Variants in MPZL2 observed in about 807,000 individuals in gnomAD.
MPZL2 encodes myelin protein zero like 2, also known as myelin protein zero-like protein 2.
A neutral mutation model predicts 24.5 loss-of-function variants in MPZL2; 32 were observed. The observed-to-expected ratio is 1.31, with a 90% CI of 0.99 to 1.76. The LOEUF is 1.76. MPZL2 is among the 40% of genes most tolerant of loss of function. MPZL2 has a pLI of 0.00. For missense variants in MPZL2, 304 were observed against 274.9 expected (o/e 1.11, Z -0.75); for synonymous variants, 92 against 97.9 (o/e 0.94, Z 0.36).
chr11:118,255,234 C>T lies in MPZL2; in HGVS notation c.*13-1G>A, dbSNP rs11216835. The T allele has an allele frequency of 1.3e-5, 2 of 151,970 alleles. No individual in the cohort carries two copies. Among genetic ancestry groups the T allele is most frequent in the Non-Finnish European group, 1.5e-5 (1 of 67,970 alleles). The allele number at this position is 151,970 out of a possible 1,614,324, so 9.4% of individuals were successfully genotyped here. A position where few individuals can be genotyped will look rare whatever the true frequency, so the allele number is the denominator to read the frequency against. ...TGTTCTTGGAAATCATCTCAGCTTCCTAAAACACAAAACAAAAGTTTAAAT... is the reference window on the plus strand; with the variant it reads ...TGTTCTTGGAAATCATCTCAGCTTCTTAAAACACAAAACAAAAGTTTAAAT... On this transcript the variant is annotated splice_acceptor_variant, in intron 5 of 5. Coordinates refer to ENST00000278937, the MANE Select transcript of MPZL2 (RefSeq NM_005797.4). LOFTEE classifies it low-confidence loss of function (3UTR_SPLICE).
Position 118,262,488 on chromosome 11 carries a change from G to C in MPZL2, c.386C>G (p.Pro129Arg), listed in dbSNP as rs773599467. 82 of 1,614,006 alleles carry C rather than the reference G, an allele frequency of 5.1e-5. No homozygotes were observed. The Admixed American group carries it at 1.3e-3, about 27-fold the overall frequency. The change falls in exon 3 of 6, where the codon CCT becomes CGT. Residue 129 changes from proline to arginine, a missense_variant. Coordinates refer to ENST00000278937, the MANE Select transcript of MPZL2 (RefSeq NM_005797.4). ...GTYTCQVKNPPDVDGVIGEIR... is the reference protein window; with the variant it reads ...GTYTCQVKNPRDVDGVIGEIR... Reference sequence around the variant, plus strand: ...CTCCCCTATCACCCCATCAACATCAGGTGGGTTCTTCACCTGGCAGGTGTA... The same window carrying C: ...CTCCCCTATCACCCCATCAACATCACGTGGGTTCTTCACCTGGCAGGTGTA...
intron 3 of MPZL2, among the ~76,000 whole-genome samples, 160 bp downstream of exon 3, chr11:118,262,278 C>T (rs988917574): frequency 3.3e-5 from 5 of 152,222 alleles, no homozygotes; most frequent in African/African-American, 1.2e-4. Context: ...TACCCCAGAA[C>T]TCTTCGGTCT....
intron 4 of MPZL2, chr11:118,259,814 T>C (rs577167552): frequency 6.9e-5 from 27 of 390,418 alleles, no homozygotes; most frequent in Admixed American, 5.2e-4. Flanking sequence ...TAGCACATTT[T>C]TGTAAAATCA....
In MPZL2 at chr11:118,262,576, T is replaced by G; in HGVS notation, c.298A>C (p.Asn100His). 1 of 1,614,150 alleles carries G rather than the reference T, an allele frequency of 6.2e-7. No individual in the cohort carries two copies. The highest frequency in any genetic ancestry group is 1.1e-5 in the South Asian group (1 of 91,084). Residue 100 changes from asparagine to histidine, a missense_variant, in exon 3 of 6, where the codon AAT becomes CAT. Physicochemically the swap from Asn to His is moderately conservative, Grantham distance 68 (BLOSUM62 1). Transcript: ENST00000278937. The stretch of plus-strand genomic sequence containing the variant: ...ATGGAGGCATCGTACCGCTCAGGAT[T>G]CCCATCCCAAGACACCCGGTCCTTA... ...RFKDRVSWDG[N>H]PERYDASILL...
At chr11:118,259,873 TAAGA>T (rs1949687494) in intron 4 of MPZL2, 177 bp downstream of exon 4, 1 of 644,284 alleles carries the variant, frequency 1.6e-6, no homozygotes, top group Non-Finnish European at 2.4e-6. Context: ...TTTGTAAAAT[TAAGA>T]AAGCTTTTGT....
chr11:118,262,591 C>A lies in MPZL2; in HGVS notation c.283G>T (p.Val95Leu), dbSNP rs760873129. The change falls in exon 3 of 6, where the codon GTG (valine) becomes TTG (leucine). Residue 95 changes from valine (V) to leucine (L), a missense_variant. Coordinates refer to ENST00000278937, the MANE Select transcript of MPZL2 (RefSeq NM_005797.4). ...QPMSGRFKDRVSWDGNPERYD... is the reference protein window; with the variant it reads ...QPMSGRFKDRLSWDGNPERYD... ...CGCTCAGGATTCCCATCCCAAGACA[C>A]CCGGTCCTTAAACCGCCCACTCATG... is the stretch of plus-strand genomic sequence containing the variant. 3.2e-5 allele frequency: 51 copies of A among 1,613,966 alleles called. No individual in the cohort carries two copies. Among genetic ancestry groups the A allele is most frequent in the Non-Finnish European group, 4.2e-5 (50 of 1,179,978 alleles).
chr11:118,261,685 A>G (rs1007842571), intron 3 of MPZL2, among the ~76,000 whole-genome samples: 2 of 152,242 alleles, frequency 1.3e-5, no homozygotes, highest in African/African-American at 2.4e-5. Context: ...TCTACAATTC[A>G]TAAGTTTCGT....
rs372315745 is a variant in MPZL2, at chr11:118,257,266, A to G, written c.632T>C (p.Leu211Ser). 3 of 1,611,666 alleles carry G rather than the reference A, an allele frequency of 1.9e-6. No individual in the cohort carries two copies. In the African/African-American group the frequency reaches 4.0e-5, roughly 22 times the overall value. ...LNQEKKVSVYLEDTD is the reference protein window; with the variant it reads ...LNQEKKVSVYSEDTD ...CTAAAATTGTTAGTCTGTGTCTTCT[A>G]AATAAACAGAGACCTTTTTCTCTTG... The change falls in exon 5 of 6, where the codon TTA (leucine) becomes TCA (serine). Residue 211 changes from leucine to serine, a missense_variant. Leu to Ser is a moderately radical substitution (Grantham distance 145). Transcript: ENST00000278937.
intron 3 of MPZL2, among the ~76,000 whole-genome samples, 180 bp from the exon 4 acceptor site, chr11:118,260,381 T>G (rs1949692187): frequency 6.6e-6 from 1 of 152,210 alleles, no homozygotes; most frequent in Admixed American, 6.5e-5. Flanking sequence ...TACACATACT[T>G]TAATGGTTCT....
chr11:118,263,035 TC>T lies in MPZL2; in HGVS notation c.120del (p.Thr41GlnfsTer5), dbSNP rs772410787. 12 of 1,613,986 alleles carry T rather than the reference TC, an allele frequency of 7.4e-6. No homozygotes were observed. The highest frequency in any genetic ancestry group is 3.3e-5 in the Admixed American group (2 of 59,992). On this transcript the variant is annotated frameshift_variant, in exon 2 of 6. Transcript: ENST00000278937. LOFTEE classifies it high-confidence loss of function. ...AAAGTGCATTTTAACCGAGCATCTG[TC>T]CCATTAACAGCCTCCAGCACCCGGG... ...YTSRVLEAVNGTDARLKCTFS... is the reference protein window; with the variant it reads ...YTSRVLEAVNXTDARLKCTFS...
Position 118,263,039 on chromosome 11 carries a change from A to AT in MPZL2, c.116dup (p.Asn39LysfsTer19). On this transcript the variant is annotated frameshift_variant, in exon 2 of 6. Coordinates refer to ENST00000278937, the MANE Select transcript of MPZL2 (RefSeq NM_005797.4). LOFTEE classifies it high-confidence loss of function. ...TGCATTTTAACCGAGCATCTGTCCCATTAACAGCCTCCAGCACCCGGGAGG... is the reference window on the plus strand; with the variant it reads ...TGCATTTTAACCGAGCATCTGTCCCATTTAACAGCCTCCAGCACCCGGGAGG... The AT allele has an allele frequency of 6.2e-7, 1 of 1,614,238 alleles. No homozygotes were observed. The highest frequency in any genetic ancestry group is 8.5e-7 in the Non-Finnish European group (1 of 1,180,030).
In MPZL2 at chr11:118,264,192, C is replaced by T. The variant is rs1170169608; in HGVS notation, c.-39G>A. On this transcript the variant is annotated 5_prime_UTR_variant, in exon 1 of 6. Transcript: ENST00000278937. ...CCTTGGCCCCAGAGACCGGACGGGG[C>T]AGACCGAGGGCTCCAACACCCTGCC... 16 of 1,606,926 alleles carry T rather than the reference C, an allele frequency of 1.0e-5. No homozygotes were observed. Among genetic ancestry groups the T allele is most frequent in the Non-Finnish European group, 1.4e-5 (16 of 1,173,930 alleles).
chr11:118,255,607 T>C (rs897357364), intron 5 of MPZL2, among the ~76,000 whole-genome samples: 5 of 150,974 alleles, frequency 3.3e-5, no homozygotes, highest in Admixed American at 3.3e-4. Context: ...ATTCATTCTT[T>C]TCTTTTCTTT....
intron 4 of MPZL2, among the ~76,000 whole-genome samples, chr11:118,258,593 A>G (rs1438432247): frequency 6.6e-6 from 1 of 152,200 alleles, no homozygotes; most frequent in Non-Finnish European, 1.5e-5. Context: ...CACATCCACT[A>G]GATGGCTTCA....
chr11:118,262,464 TC>T lies in MPZL2; in HGVS notation c.409del (p.Glu137ArgfsTer28). The stretch of plus-strand genomic sequence containing the variant: ...AGTGTGCACGACGCTGAGCCGGATC[TC>T]CCCTATCACCCCATCAACATCAGGT... Reference protein sequence around the residue: ...NPPDVDGVIGEIRLSVVHTVR... With the variant: ...NPPDVDGVIGXIRLSVVHTVR... On this transcript the variant is annotated frameshift_variant, in exon 3 of 6. Transcript: ENST00000278937. LOFTEE classifies it high-confidence loss of function. 1 of 1,614,092 alleles carries T rather than the reference TC, an allele frequency of 6.2e-7. No individual in the cohort carries two copies. Among genetic ancestry groups the T allele is most frequent in the Non-Finnish European group, 8.5e-7 (1 of 1,180,022 alleles).
rs1423341660 is a variant in MPZL2 at position 118,262,617 on chromosome 11, G to A, written c.257C>T (p.Pro86Leu). 1 of 1,613,888 alleles carries A rather than the reference G, an allele frequency of 6.2e-7. No homozygotes were observed. ...VFYYHIDPFQ[P>L]MSGRFKDRVS... The stretch of plus-strand genomic sequence containing the variant: ...CCGGTCCTTAAACCGCCCACTCATG[G>A]GTTGGAAGGGATCTATGTGGTAGTA... Residue 86 changes from proline (P) to leucine (L), a missense_variant, in exon 3 of 6, where the codon CCC becomes CTC. Transcript: ENST00000278937.
intron 5 of MPZL2, 127 bp downstream of exon 5, chr11:118,257,111 C>T: frequency 1.7e-6 from 1 of 597,690 alleles, no homozygotes. Context: ...CTCCCTGACC[C>T]AGCTCCTCTA....
Position 118,257,247 on chromosome 11 carries a change from T to C in MPZL2, c.*3A>G. 1 of 1,608,168 alleles carries C rather than the reference T, an allele frequency of 6.2e-7. No homozygotes were observed. Among genetic ancestry groups the C allele is most frequent in the Admixed American group, 1.7e-5 (1 of 59,526 alleles). ...TATTTGTGAACCTTACCATCTAAAATTGTTAGTCTGTGTCTTCTAAATAAA... is the reference window on the plus strand; with the variant it reads ...TATTTGTGAACCTTACCATCTAAAACTGTTAGTCTGTGTCTTCTAAATAAA... On this transcript the variant is annotated 3_prime_UTR_variant, in exon 5 of 6. Coordinates refer to ENST00000278937, the MANE Select transcript of MPZL2 (RefSeq NM_005797.4).
chr11:118,259,011 TTAAA>T (rs1949680885), intron 4 of MPZL2, among the ~76,000 whole-genome samples: 2 of 124,130 alleles, frequency 1.6e-5, no homozygotes, highest in South Asian at 2.3e-4. Flanking sequence ...ACGGTTATGA[TTAAA>T]AAAAAAAAAG....
Sources: allele counts gnomAD v4.1 joint callset (sites outside exome capture counted in the v4.1 genomes callset), GRCh38; gene constraint gnomAD v4.1.1; transcripts MANE v1.5; gene names NCBI Gene and HGNC (gene_info 2026-07-23, HGNC 2026-07-21).